ARL2: variants seen among roughly 807,000 people sequenced by gnomAD.
ARL2 encodes ADP-ribosylation factor-like protein 2.
In ARL2, 11 loss-of-function variants were observed where a neutral mutation model predicts 22.0. The observed-to-expected ratio is 0.50, with a 90% confidence interval of 0.31 to 0.83. The LOEUF (loss-of-function observed/expected upper bound fraction) is 0.83, where lower values mean the gene tolerates loss of function less well. ARL2 is among the 40% of genes least tolerant of loss of function. ARL2 has a pLI of 0.04. For missense variants in ARL2, 216 were observed against 243.2 expected, an observed-to-expected ratio of 0.89 and a Z score of 0.74; for synonymous variants, 111 against 100.8, an observed-to-expected ratio of 1.10 and a Z score of -0.61.
chr11:65,015,457 C>T (rs1463093046), intron 1 of ARL2, among the ~76,000 whole-genome samples: 1 of 152,176 alleles, frequency 6.6e-6, no homozygotes, highest in Non-Finnish European at 1.5e-5. Flanking sequence ...GCATACAGTT[C>T]ACTCATTTGA....
chr11:65,021,595 A>T, intron 4 of ARL2, 126 bp from the exon 5 acceptor site: 1 of 1,263,180 alleles, frequency 7.9e-7, no homozygotes, highest in Non-Finnish European at 1.1e-6. Flanking sequence ...GGCTTCCTGG[A>T]TGGGATGACA....
Position 65,022,052 on chromosome 11 carries a change from C to G in ARL2, c.*197C>G. On this transcript the variant is annotated 3_prime_UTR_variant, in exon 5 of 5. Transcript: ENST00000246747. ...GGAGGGCTGTGCCCTGGCTGTCTCT[C>G]TGGCTCCTGACCTGGCCTTTGGCTA... 5 of 769,122 alleles carry G rather than the reference C, an allele frequency of 6.5e-6. No individual in the cohort carries two copies. The highest frequency in any genetic ancestry group is 1.0e-5 in the Non-Finnish European group (5 of 492,022). The allele number at this position is 769,122 out of a possible 1,614,324, so 47.6% of individuals were successfully genotyped here.
Position 65,017,222 on chromosome 11 carries a change from G to T in ARL2, c.66-1142G>T, listed in dbSNP as rs540882248. 7.3e-5 allele frequency among the ~76,000 whole-genome samples: 11 copies of T among 151,702 alleles called. No individual in the cohort carries two copies. In the East Asian group the frequency reaches 2.1e-3, roughly 29 times the overall value. ...CTTTTTTTTTTTTTAATCAGACGGG[G>T]TCTCGCTGAGTCGCCCAGGCTGGAG... On this transcript the variant is annotated intron_variant, in intron 1 of 4. Transcript: ENST00000246747.
In ARL2 at chr11:65,021,804, C is replaced by T. The variant is rs1292034017; in HGVS notation, c.504C>T (p.Gly168=). ...SAVTGENLLP[G]IDWLLDDISS... is the part of the protein sequence containing the mutation. ...TCACCGGGGAGAACCTGCTGCCGGG[C>T]ATCGACTGGCTCCTGGATGACATTT... Residue 168 remains glycine, a synonymous_variant, in exon 5 of 5, where the codon GGC becomes GGT. Coordinates refer to ENST00000246747, the MANE Select transcript of ARL2 (RefSeq NM_001667.4). 8 of 1,613,514 alleles carry T rather than the reference C, an allele frequency of 5.0e-6. No homozygotes were observed. Among genetic ancestry groups the T allele is most frequent in the Non-Finnish European group, 6.8e-6 (8 of 1,179,966 alleles).
Position 65,018,331 on chromosome 11 carries a change from A to G in ARL2, c.66-33A>G, listed in dbSNP as rs911123085. The stretch of plus-strand genomic sequence containing the variant: ...CAACAATGTCACCACCTGGCAGAGA[A>G]CAGGGACTTCTCCTTAACCTGCTGC... On this transcript the variant is annotated intron_variant, in intron 1 of 4. Transcript: ENST00000246747. The surrounding 1 kb of genome is among the most constrained non-coding windows in gnomAD (Gnocchi z 4.2). The G allele has an allele frequency of 6.4e-7, 1 of 1,551,664 alleles. No individual in the cohort carries two copies. Among genetic ancestry groups the G allele is most frequent in the Non-Finnish European group, 8.8e-7 (1 of 1,141,746 alleles).
chr11:65,017,207 T>A (rs911225140), intron 1 of ARL2, among the ~76,000 whole-genome samples: 3 of 151,966 alleles, frequency 2.0e-5, no homozygotes, highest in Non-Finnish European at 4.4e-5. Flanking sequence ...CTTTTTTTTT[T>A]TTTAATCAGA....
In ARL2 at chr11:65,021,937, C is replaced by T. The variant is rs181106139; in HGVS notation, c.*82C>T. ...TACCCATGGGGGGTTGGGAGTCAGC[C>T]GGCCAAACTAACACTCCCCCTCCTC... On this transcript the variant is annotated 3_prime_UTR_variant, in exon 5 of 5. Transcript: ENST00000246747. The T allele has an allele frequency of 6.5e-5, 99 of 1,534,304 alleles. No individual in the cohort carries two copies. The highest frequency in any genetic ancestry group is 5.4e-4 in the African/African-American group (40 of 73,850).
In ARL2 at chr11:65,016,275, G is replaced by A. The variant is rs530782941; in HGVS notation, c.65+2003G>A. Among the ~76,000 whole-genome samples, 66 of 144,166 alleles carry A rather than the reference G, an allele frequency of 4.6e-4. 3 individuals carry two copies. The highest frequency in any genetic ancestry group is 2.4e-3 in the East Asian group (10 of 4,248). 94.6% of individuals were successfully genotyped at this position (144,166 alleles called of 152,430 possible). A position where few individuals can be genotyped will look rare whatever the true frequency, so the allele number is the denominator to read the frequency against. On this transcript the variant is annotated intron_variant, in intron 1 of 4. Transcript: ENST00000246747. Reference sequence around the variant, plus strand: ...TTGAACCATATAGCAATTCGGGGGGGGGGGAAACTTTAAAGCAAAGGGAAC... The same window carrying A: ...TTGAACCATATAGCAATTCGGGGGGAGGGGAAACTTTAAAGCAAAGGGAAC...
Position 65,021,806 on chromosome 11 carries a change from T to C in ARL2, c.506T>C (p.Ile169Thr). ...ACCGGGGAGAACCTGCTGCCGGGCA[T>C]CGACTGGCTCCTGGATGACATTTCC... The part of the protein sequence containing the change: ...AVTGENLLPG[I>T]DWLLDDISSR... The change falls in exon 5 of 5, where the codon ATC becomes ACC. Residue 169 changes from isoleucine to threonine, a missense_variant. By Grantham distance (89) the Ile-to-Thr change is moderately conservative. Coordinates refer to ENST00000246747, the MANE Select transcript of ARL2 (RefSeq NM_001667.4). The C allele has an allele frequency of 6.2e-7, 1 of 1,613,536 alleles. No individual in the cohort carries two copies. The highest frequency in any genetic ancestry group is 8.5e-7 in the Non-Finnish European group (1 of 1,179,958).
At chr11:65,021,575 G>C in intron 4 of ARL2, 146 bp from the exon 5 acceptor site, 3 of 1,049,238 alleles carry the variant, frequency 2.9e-6, no homozygotes, top group Non-Finnish European at 4.0e-6. Context: ...ACTCTCCCTG[G>C]GACCGGCGGG....
intron 3 of ARL2, among the ~76,000 whole-genome samples, chr11:65,020,113 A>T (rs1193652603): frequency 6.6e-6 from 1 of 152,148 alleles, no homozygotes; most frequent in Non-Finnish European, 1.5e-5. Context: ...AACCACGGAG[A>T]GCTCAGGGAT....
intron 1 of ARL2, among the ~76,000 whole-genome samples, chr11:65,016,617 G>T (rs1179746847): frequency 6.6e-6 from 1 of 152,080 alleles, no homozygotes; most frequent in African/African-American, 2.4e-5. Context: ...TGGGGGAGGA[G>T]CAGGTTCAGG....
At chr11:65,014,944 CTG>C (rs139566459) in intron 1 of ARL2, among the ~76,000 whole-genome samples, 3,071 of 152,334 alleles carry the variant, frequency 0.02, 106 homozygotes, top group African/African-American at 0.069. Context: ...CACATCATGA[CTG>C]TTTTGTTTTT....
chr11:65,018,241 G>C lies in ARL2; in HGVS notation c.66-123G>C, dbSNP rs563088133. On this transcript the variant is annotated intron_variant, in intron 1 of 4. Coordinates refer to ENST00000246747, the MANE Select transcript of ARL2 (RefSeq NM_001667.4). The surrounding 1 kb of genome is among the most constrained non-coding windows in gnomAD (Gnocchi z 4.2). ...TCATATTTATTGTGGGCCGATTATG[G>C]TCAGGCATGTGCTCAACTCAGTTTG... 1 of 712,606 alleles carries C rather than the reference G, an allele frequency of 1.4e-6. No individual in the cohort carries two copies. The highest frequency in any genetic ancestry group is 2.3e-6 in the Non-Finnish European group (1 of 428,438). The allele number at this position is 712,606 out of a possible 1,614,324, so 44.1% of individuals were successfully genotyped here.
chr11:65,016,194 C>T (rs148256672), intron 1 of ARL2, among the ~76,000 whole-genome samples: 6 of 92,376 alleles, frequency 6.5e-5, no homozygotes, highest in African/African-American at 2.3e-4. Context: ...GTGACAAGAG[C>T]GAAACTCTGT....
Position 65,018,827 on chromosome 11 carries a change from G to C in ARL2, c.339+94G>C. On this transcript the variant is annotated intron_variant, in intron 3 of 4. Transcript: ENST00000246747. This position sits in a 1 kb window ranked among gnomAD's most constrained non-coding sequence, Gnocchi z 4.2. ...GGCCCGTGGCCCCAGAGGGAAACCA[G>C]AGGCAGGATCCCTTCCTTCTCTGGG... 6.4e-7 allele frequency: 1 copy of C among 1,563,668 alleles called. No individual in the cohort carries two copies. The highest frequency in any genetic ancestry group is 8.6e-7 in the Non-Finnish European group (1 of 1,160,412).
At chr11:65,021,691 C>T (rs377020273) in intron 4 of ARL2, 30 bp from the exon 5 acceptor site, 117 of 1,576,096 alleles carry the variant, frequency 7.4e-5, no homozygotes, top group Admixed American at 1.9e-4. Flanking sequence ...CAGTCACTGG[C>T]CACCACCATC....
rs1236868478 is a variant in ARL2, at chr11:65,018,508, A to G, written c.176+34A>G. 3.1e-6 allele frequency: 5 copies of G among 1,603,226 alleles called. No individual in the cohort carries two copies. The highest frequency in any genetic ancestry group is 3.4e-6 in the Non-Finnish European group (4 of 1,174,950). On this transcript the variant is annotated intron_variant, in intron 2 of 4. Coordinates refer to ENST00000246747, the MANE Select transcript of ARL2 (RefSeq NM_001667.4). The surrounding 1 kb of genome is among the most constrained non-coding windows in gnomAD (Gnocchi z 4.2). ...GGGCCCCATGGGAGGGCCAGCCCAG[A>G]GCAGGGCAGGGAAGGTGGGAGAGGG...
In ARL2 at chr11:65,014,214, C is replaced by T; in HGVS notation, c.7C>T (p.Leu3Phe). The part of the protein sequence containing the change: MG[L>F]LTILKKMKQK... Reference sequence around the variant, plus strand: ...GGAGGGGGCTCCGGGGACCATGGGGCTCCTGACCATTCTGAAGAAGATGAA... The same window carrying T: ...GGAGGGGGCTCCGGGGACCATGGGGTTCCTGACCATTCTGAAGAAGATGAA... The change falls in exon 1 of 5, where the codon CTC (leucine) becomes TTC (phenylalanine). Residue 3 changes from leucine (L) to phenylalanine (F), a missense_variant. Coordinates refer to ENST00000246747, the MANE Select transcript of ARL2 (RefSeq NM_001667.4). 5 of 1,573,262 alleles carry T rather than the reference C, an allele frequency of 3.2e-6. No individual in the cohort carries two copies. The highest frequency in any genetic ancestry group is 3.4e-6 in the Non-Finnish European group (4 of 1,163,434).
Sources: gnomAD v4.1 joint callset for allele counts (sites outside exome capture counted in the v4.1 genomes callset) on GRCh38, gnomAD v4.1.1 for gene constraint, Gnocchi (gnomAD v3.1) non-coding constraint, MANE v1.5 for transcripts, NCBI Gene and HGNC (gene_info 2026-07-23, HGNC 2026-07-21) for gene names.